Variants in MSH6 observed in about 807,000 individuals in gnomAD.
The protein encoded by MSH6 is DNA mismatch repair protein Msh6.
MSH6 carries 85 observed loss-of-function variants against 119.1 expected under a neutral mutation model. That is an observed-to-expected ratio of 0.71 (90% CI 0.60 to 0.85). The LOEUF (loss-of-function observed/expected upper bound fraction) is 0.85. Ranked by LOEUF, MSH6 falls within the 40% of genes least tolerant of loss-of-function variation. MSH6 has a pLI of 0.00. For missense variants in MSH6, 2,163 were observed against 1,655.3 expected (o/e 1.31, Z -5.32); for synonymous variants, 830 against 586.9 (o/e 1.41, Z -5.99).
chr2:47,799,541 G>A lies in MSH6; in HGVS notation c.1558G>A (p.Gly520Ser), dbSNP rs1558662076. The A allele has an allele frequency of 4.3e-6, 7 of 1,614,104 alleles. No individual in the cohort carries two copies. The highest frequency in any genetic ancestry group is 5.9e-6 in the Non-Finnish European group (7 of 1,180,000). ...RREICRIITK[G>S]TQTYSVLEGD... ...GGAGATCTGTAGGATCATTACCAAG[G>A]GTACACAGACTTACAGTGTGCTGGA... Residue 520 changes from glycine to serine, a missense_variant, in exon 4 of 10, where the codon GGT (glycine) becomes AGT (serine). Transcript: ENST00000234420.
chr2:47,802,711 T>A (rs1315896497), intron 4 of MSH6, among the ~76,000 whole-genome samples: 1 of 151,388 alleles, frequency 6.6e-6, no homozygotes, highest in Non-Finnish European at 1.5e-5. Context: ...ACTATTTTGA[T>A]CTGAACGCAA....
At chr2:47,798,474 C>T (rs1045572461) in intron 3 of MSH6, 137 bp from the exon 4 acceptor site, 17 of 853,360 alleles carry the variant, frequency 2.0e-5, no homozygotes, top group East Asian at 1.1e-4. Flanking sequence ...TGTAATTCAT[C>T]GAATACTGTA....
rs587782805 is a variant in MSH6 at position 47,800,130 on chromosome 2, C to G, written c.2147C>G (p.Thr716Arg). 1 of 1,614,088 alleles carries G rather than the reference C, an allele frequency of 6.2e-7. No homozygotes were observed. The change falls in exon 4 of 10, where the codon ACA becomes AGA. Residue 716 changes from threonine (T) to arginine (R), a missense_variant. Thr to Arg is a moderately conservative substitution (Grantham distance 71). Transcript: ENST00000234420. The part of the protein sequence containing the change: ...FEEYIPLDSD[T>R]VSTTRSGAIF... ...GAATATATTCCCTTGGATTCTGACA[C>G]AGTCAGCACTACAAGATCTGGTGCT...
At chr2:47,791,228 A>AT in intron 2 of MSH6, 105 bp downstream of exon 2, 1 of 1,105,970 alleles carries the variant, frequency 9.0e-7, no homozygotes, top group Admixed American at 2.0e-5. Flanking sequence ...AATTAAGTGT[A>AT]TTTTACCCCA....
chr2:47,801,197 G>T (rs776793647), intron 4 of MSH6, 42 bp downstream of exon 4: 3 of 1,597,818 alleles, frequency 1.9e-6, no homozygotes, highest in Non-Finnish European at 1.7e-6. Context: ...TTGATAAGTA[G>T]TGCTGTTTGC....
At chr2:47,807,950 G>A, downstream of MSH6, 1 of 629,102 alleles carries the variant, frequency 1.6e-6, no homozygotes, top group Admixed American at 2.8e-5. Context: ...TCAATATATT[G>A]CCACTTTCTT....
chr2:47,798,689 C>A lies in MSH6; in HGVS notation c.706C>A (p.Gln236Lys), dbSNP rs63750996. 1 of 1,613,912 alleles carries A rather than the reference C, an allele frequency of 6.2e-7. No homozygotes were observed. The highest frequency in any genetic ancestry group is 1.7e-4 in the Middle Eastern group (1 of 6,060). The change falls in exon 4 of 10, where the codon CAA (glutamine) becomes AAA (lysine). Residue 236 changes from glutamine (Q) to lysine (K), a missense_variant. Physicochemically the swap from Gln to Lys is moderately conservative, Grantham distance 53 (BLOSUM62 1). Coordinates refer to ENST00000234420, the MANE Select transcript of MSH6 (RefSeq NM_000179.3). ...TGAAGAGGAAGTACAGCCTAAGACACAAGGATCTAGGCGAAGTAGCCGCCA... is the reference window on the plus strand; with the variant it reads ...TGAAGAGGAAGTACAGCCTAAGACAAAAGGATCTAGGCGAAGTAGCCGCCA... ...ESEEEVQPKT[Q>K]GSRRSSRQIK...
rs1064794198 is a variant in MSH6, at chr2:47,799,199, T to G, written c.1216T>G (p.Cys406Gly). The G allele has an allele frequency of 2.5e-6, 4 of 1,614,176 alleles. No homozygotes were observed. The highest frequency in any genetic ancestry group is 3.4e-6 in the Non-Finnish European group (4 of 1,180,032). Residue 406 changes from cysteine to glycine, a missense_variant, in exon 4 of 10, where the codon TGT becomes GGT. Transcript: ENST00000234420. Reference protein sequence around the residue: ...LYVPEDFLNSCTPGMRKWWQI... With the variant: ...LYVPEDFLNSGTPGMRKWWQI... Reference sequence around the variant, plus strand: ...TGTGCCTGAGGATTTCCTCAATTCTTGTACTCCTGGGATGAGGAAGTGGTG... The same window carrying G: ...TGTGCCTGAGGATTTCCTCAATTCTGGTACTCCTGGGATGAGGAAGTGGTG...
At position 47,789,741 on chromosome 2, in the gene MSH6, T is replaced by C. The variant is rs3136271; in HGVS notation, c.261-1186T>C. ...AACCTATACACATCTTCCCCTGTAC[T>C]TTATCTCTAGATTACGTACAATACC... On this transcript the variant is annotated intron_variant, in intron 1 of 9. Transcript: ENST00000234420. 4.5e-3 allele frequency among the ~76,000 whole-genome samples: 690 copies of C among 152,352 alleles called. 3 individuals are homozygous for C. The highest frequency in any genetic ancestry group is 7.6e-3 in the Non-Finnish European group (518 of 68,044).
At position 47,799,138 on chromosome 2, in the gene MSH6, G is replaced by T. The variant is rs991563019; in HGVS notation, c.1155G>T (p.Arg385Ser). 6.2e-7 allele frequency: 1 copy of T among 1,613,342 alleles called. No individual in the cohort carries two copies. Among genetic ancestry groups the T allele is most frequent in the Non-Finnish European group, 8.5e-7 (1 of 1,179,798 alleles). ...EEKRRDEHRR[R>S]PDHPDFDAST... ...AGAGAAGAGATGAGCACAGGAGGAGGCCTGATCACCCCGATTTTGATGCAT... is the reference window on the plus strand; with the variant it reads ...AGAGAAGAGATGAGCACAGGAGGAGTCCTGATCACCCCGATTTTGATGCAT... Residue 385 changes from arginine (R) to serine (S), a missense_variant, in exon 4 of 10, where the codon AGG becomes AGT. Physicochemically the swap from Arg to Ser is moderately radical, Grantham distance 110. Transcript: ENST00000234420.
intron 1 of MSH6, chr2:47,783,788 C>T (rs1668166250): frequency 1.0e-5 from 4 of 401,918 alleles, no homozygotes; most frequent in Non-Finnish European, 1.3e-5. Context: ...GGTGGGGGTG[C>T]TGGGCTAAGG....
chr2:47,805,756 T>G lies in MSH6; in HGVS notation c.3646+49T>G, dbSNP rs776102238. ...GAAGACTATCTATCTTAAAAACATT[T>G]GTACAAATAACTATTTTTATAGAAG... On this transcript the variant is annotated intron_variant, in intron 7 of 9. Transcript: ENST00000234420. The G allele has an allele frequency of 1.1e-4, 148 of 1,304,914 alleles. No individual in the cohort carries two copies. In the Admixed American group the frequency reaches 2.4e-3, roughly 21 times the overall value. The allele number at this position is 1,304,914 out of a possible 1,614,324, so 80.8% of individuals were successfully genotyped here. A position where few individuals can be genotyped will look rare whatever the true frequency, so the allele number is the denominator to read the frequency against.
chr2:47,784,530 T>C (rs921300915), intron 1 of MSH6: 3 of 151,854 alleles, frequency 2.0e-5, no homozygotes, highest in African/African-American at 7.3e-5. Context: ...TGGCGCGATC[T>C]CAGCTCACCG....
intron 6 of MSH6, 42 bp downstream of exon 6, chr2:47,805,069 T>TA (rs1669889476): frequency 2.3e-6 from 3 of 1,289,858 alleles, no homozygotes; most frequent in Non-Finnish European, 1.1e-6. Context: ...TTCAGTCATT[T>TA]AGATGTGATA....
rs760771483 is a variant in MSH6 at position 47,806,343 on chromosome 2, G to C, written c.3786G>C (p.Val1262=). 1 of 1,614,050 alleles carries C rather than the reference G, an allele frequency of 6.2e-7. No homozygotes were observed. The highest frequency in any genetic ancestry group is 1.7e-5 in the Admixed American group (1 of 59,996). Reference sequence around the variant, plus strand: ...AAGATTATTCTCAAAATGTTGCTGTGCGCCTAGGACATATGGTATGTGCAA... The same window carrying C: ...AAGATTATTCTCAAAATGTTGCTGTCCGCCTAGGACATATGGTATGTGCAA... ...LVEDYSQNVA[V]RLGHMACMVE... Residue 1262 remains valine (V), a synonymous_variant, in exon 8 of 10, where the codon GTG becomes GTC. Transcript: ENST00000234420.
intron 1 of MSH6, chr2:47,789,328 A>G (rs112715383): frequency 1.3e-5 from 5 of 396,836 alleles, no homozygotes; most frequent in African/African-American, 1.1e-4. Flanking sequence ...TTTTGTTTAA[A>G]TGCTTATGTT....
At chr2:47,793,318 C>CT (rs1441753856) in intron 2 of MSH6, among the ~76,000 whole-genome samples, 1 of 48,786 alleles carries the variant, frequency 2.0e-5, no homozygotes, top group African/African-American at 8.5e-5. Flanking sequence ...GAGACTGTCT[C>CT]AAAAAAAAAA....
At chr2:47,809,994 TG>T (rs556246722), downstream of MSH6, 155 of 491,654 alleles carry the variant, frequency 3.2e-4, 1 homozygote, top group African/African-American at 2.7e-3. Flanking sequence ...CTTTTTCTGT[TG>T]CAGATTTAAA....
downstream of MSH6, chr2:47,809,918 C>T (rs932886848): frequency 1.8e-6 from 1 of 540,970 alleles, no homozygotes. Context: ...ACTTTCGCAC[C>T]AACCTAACTG....
Sources: gnomAD v4.1 joint callset for allele counts (sites outside exome capture counted in the v4.1 genomes callset) on GRCh38, gnomAD v4.1.1 for gene constraint, MANE v1.5 for transcripts, NCBI Gene and HGNC (gene_info 2026-07-23, HGNC 2026-07-21) for gene names.